The following OTUD7A variants were observed in gnomAD, a reference collection of about 807,000 sequenced individuals.
The protein encoded by OTUD7A is OTU domain-containing protein 7A.
In OTUD7A, 12 loss-of-function variants were observed where a neutral mutation model predicts 65.7. The observed-to-expected ratio is 0.18, with a 90% CI of 0.12 to 0.30. The LOEUF (loss-of-function observed/expected upper bound fraction) is 0.30. Among genes scored for constraint, OTUD7A ranks in the 10% least tolerant of loss-of-function variants. The probability of loss-of-function intolerance (pLI) is 1.00; values close to 1 mark genes in which losing one functional copy is unlikely to be tolerated. For synonymous variants in OTUD7A, 641 were observed against 586.3 expected (o/e 1.09, Z -1.35); for missense variants, 1,148 against 1,304.8 (o/e 0.88, Z 1.85).
intron 6 of OTUD7A, among the ~76,000 whole-genome samples, 170 bp downstream of exon 6, chr15:31,530,537 G>C (rs1402177571): frequency 6.6e-6 from 1 of 152,242 alleles, no homozygotes; most frequent in Non-Finnish European, 1.5e-5. Context: ...TACTTGACAA[G>C]AAGGGCCAGG....
chr15:31,618,364 A>G (rs1288824773), intron 3 of OTUD7A, among the ~76,000 whole-genome samples: 3 of 152,260 alleles, frequency 2.0e-5, no homozygotes, highest in Non-Finnish European at 4.4e-5. Context: ...ACTGTCTTCC[A>G]CAATGGTTGA....
chr15:31,866,027 T>C (rs957935107), intron 1 of OTUD7A, among the ~76,000 whole-genome samples: 4 of 152,202 alleles, frequency 2.6e-5, no homozygotes, highest in Non-Finnish European at 2.9e-5. Context: ...AAACGCAAAA[T>C]ACTTCAATCC....
chr15:31,574,756 G>C (rs1317208685), intron 3 of OTUD7A, among the ~76,000 whole-genome samples: 1 of 152,176 alleles, frequency 6.6e-6, no homozygotes, highest in African/African-American at 2.4e-5. Flanking sequence ...AATTCCTAGA[G>C]ATGACAAACT....
rs368767131 is a variant in OTUD7A at position 31,771,055 on chromosome 15, A to G, written c.-100+99452T>C. On this transcript the variant is annotated intron_variant, in intron 1 of 12. Transcript: ENST00000307050. ...CACATTGTACCAGAGGCTCTGGCCA[A>G]TGAAATAAGAACAACAAATTAAAGG... Among the ~76,000 whole-genome samples, 138 of 152,346 alleles carry G rather than the reference A, an allele frequency of 9.1e-4. No homozygotes were observed. The South Asian group carries it at 9.3e-3, about 10-fold the overall frequency.
intron 1 of OTUD7A, among the ~76,000 whole-genome samples, chr15:31,815,362 C>A (rs116243233): frequency 0.023 from 3,444 of 152,308 alleles, 134 homozygotes; most frequent in African/African-American, 0.079. Flanking sequence ...ACTCCTCAGT[C>A]CCAAAGGTGA....
intron 1 of OTUD7A, among the ~76,000 whole-genome samples, chr15:31,817,984 G>A (rs1225205686): frequency 6.6e-6 from 1 of 152,190 alleles, no homozygotes; most frequent in Non-Finnish European, 1.5e-5. Flanking sequence ...AGAGCCGTCA[G>A]AGAGCTGCTC....
At chr15:31,514,257 C>T (rs2041809232) in intron 8 of OTUD7A, among the ~76,000 whole-genome samples, 1 of 151,834 alleles carries the variant, frequency 6.6e-6, no homozygotes, top group Non-Finnish European at 1.5e-5. Context: ...CGCTATGTTG[C>T]CAAGGCTGGT....
At chr15:31,820,615 T>C (rs1247455927) in intron 1 of OTUD7A, among the ~76,000 whole-genome samples, 1 of 152,204 alleles carries the variant, frequency 6.6e-6, no homozygotes, top group Non-Finnish European at 1.5e-5. Context: ...GCCTGCTTCA[T>C]AGAAAACTGG....
chr15:31,618,464 T>C (rs141651749), intron 3 of OTUD7A, among the ~76,000 whole-genome samples: 43,472 of 151,854 alleles, frequency 0.29, 7,346 homozygotes, highest in African/African-American at 0.47. Context: ...TTTTAATGAT[T>C]GCCATTCTAA....
At chr15:31,607,395 C>A (rs528830846) in intron 3 of OTUD7A, among the ~76,000 whole-genome samples, 5 of 152,252 alleles carry the variant, frequency 3.3e-5, no homozygotes, top group African/African-American at 9.6e-5. Flanking sequence ...GAATCAAGGC[C>A]AGCTTCAAAT....
intron 12 of OTUD7A, among the ~76,000 whole-genome samples, chr15:31,486,792 A>G (rs992406975): frequency 1.3e-5 from 2 of 152,236 alleles, no homozygotes; most frequent in African/African-American, 4.8e-5. Context: ...CTGCGGCAGC[A>G]CATTGTGTTC....
chr15:31,694,924 C>T (rs1893040995), intron 1 of OTUD7A, among the ~76,000 whole-genome samples: 1 of 151,942 alleles, frequency 6.6e-6, no homozygotes. Context: ...CGGCTCACTG[C>T]AAGCTCCGCC....
At chr15:31,541,733 C>T (rs904178413) in intron 5 of OTUD7A, among the ~76,000 whole-genome samples, 7 of 152,128 alleles carry the variant, frequency 4.6e-5, no homozygotes, top group African/African-American at 7.2e-5. Context: ...ACTGTTTAAT[C>T]ACTTCATAAG....
chr15:31,692,692 T>TC (rs60281640), intron 1 of OTUD7A, among the ~76,000 whole-genome samples: 7 of 148,868 alleles, frequency 4.7e-5, no homozygotes, highest in African/African-American at 1.7e-4. Context: ...TCACATTTTT[T>TC]CCCTCAGGAA....
At chr15:31,768,189 C>T in intron 1 of OTUD7A, 1 of 1,258,528 alleles carries the variant, frequency 7.9e-7, no homozygotes, top group South Asian at 1.2e-5. Context: ...GGAGGCACAA[C>T]CCGACTCTCC....
rs1890981201 is a variant in OTUD7A at position 31,627,080 on chromosome 15, G to A, written c.151+28016C>T. ...AGTTGCTGAAGGTTAGGGTGGCTAT[G>A]GCAACTTCTTTTATTATTATTATTA... On this transcript the variant is annotated intron_variant, in intron 3 of 12. Coordinates refer to ENST00000307050, the MANE Select transcript of OTUD7A (RefSeq NM_001382637.1). 1.3e-5 allele frequency among the ~76,000 whole-genome samples: 2 copies of A among 151,804 alleles called. 1 individual carries two copies. The highest frequency in any genetic ancestry group is 1.3e-4 in the Admixed American group (2 of 15,244).
In OTUD7A at chr15:31,802,579, C is replaced by T. The variant is rs1223901457; in HGVS notation, c.-100+67928G>A. Among the ~76,000 whole-genome samples, 3 of 152,164 alleles carry T rather than the reference C, an allele frequency of 2.0e-5. No individual in the cohort carries two copies. The East Asian group carries it at 5.8e-4, about 29-fold the overall frequency. On this transcript the variant is annotated intron_variant, in intron 1 of 12. Transcript: ENST00000307050. ...TATAATAATATTCACTCTCACATTACACTTCATTATATGCTGATATCCAGA... is the reference window on the plus strand; with the variant it reads ...TATAATAATATTCACTCTCACATTATACTTCATTATATGCTGATATCCAGA...
chr15:31,510,339 G>A (rs1390898429), intron 8 of OTUD7A, among the ~76,000 whole-genome samples: 1 of 151,182 alleles, frequency 6.6e-6, no homozygotes, highest in Non-Finnish European at 1.5e-5. Flanking sequence ...CTTAATTTTT[G>A]GTGTGCCTGG....
intron 1 of OTUD7A, among the ~76,000 whole-genome samples, chr15:31,665,069 T>C (rs1198193009): frequency 6.6e-6 from 1 of 152,228 alleles, no homozygotes; most frequent in East Asian, 1.9e-4. Context: ...GGCCTTATAG[T>C]ATAGTTTGAA....
Sources: allele counts gnomAD v4.1 joint callset (sites outside exome capture counted in the v4.1 genomes callset), GRCh38; gene constraint gnomAD v4.1.1; transcripts MANE v1.5; gene names NCBI Gene and HGNC (gene_info 2026-07-23, HGNC 2026-07-21).